Variants in ASAH2 observed in about 807,000 individuals in gnomAD.
ASAH2 encodes neutral ceramidase.
In ASAH2, 58 loss-of-function variants were observed where a neutral mutation model predicts 82.9. The ratio of observed to expected loss-of-function variants is 0.70; its 90% CI spans 0.57 to 0.87. ASAH2 has a LOEUF of 0.87. ASAH2 is among the 40% of genes least tolerant of loss of function. ASAH2 has a pLI of 0.00. For synonymous variants in ASAH2, 276 were observed against 289.7 expected, an observed-to-expected ratio of 0.95 and a Z score of 0.48; for missense variants, 779 against 834.0, an observed-to-expected ratio of 0.93 and a Z score of 0.81.
chr10:50,219,854 T>C (rs1258306864), intron 7 of ASAH2, among the ~76,000 whole-genome samples: 2 of 152,212 alleles, frequency 1.3e-5, no homozygotes. Context: ...GTGTGGACTG[T>C]AGAAAACTTG....
At chr10:50,209,412 C>T (rs1589329784) in intron 12 of ASAH2, among the ~76,000 whole-genome samples, 1 of 152,114 alleles carries the variant, frequency 6.6e-6, no homozygotes, top group African/African-American at 2.4e-5. Context: ...TGCAGTGGTG[C>T]AATCTTGTCT....
At chr10:50,229,564 A>G (rs374196480) in intron 7 of ASAH2, among the ~76,000 whole-genome samples, 81,933 of 151,942 alleles carry the variant, frequency 0.54, 22,377 homozygotes, top group East Asian at 0.67. Context: ...CCAAGTTTGA[A>G]ACACTTTAAT....
intron 14 of ASAH2, among the ~76,000 whole-genome samples, chr10:50,203,941 T>C (rs1259181208): frequency 2.0e-5 from 3 of 152,042 alleles, no homozygotes; most frequent in Non-Finnish European, 4.4e-5. Flanking sequence ...AAATCATCAT[T>C]ATTTTCCATT....
intron 1 of ASAH2, among the ~76,000 whole-genome samples, 167 bp downstream of exon 1, chr10:50,251,228 G>T (rs974054387): frequency 1.3e-5 from 2 of 152,106 alleles, no homozygotes; most frequent in South Asian, 2.1e-4. Context: ...CACATAACGG[G>T]GTCCCTGTTT....
chr10:50,197,560 T>G (rs1362336493), intron 17 of ASAH2, among the ~76,000 whole-genome samples: 17 of 152,000 alleles, frequency 1.1e-4, no homozygotes, highest in Non-Finnish European at 1.5e-5. Context: ...CAATGAATAT[T>G]TAACGCTCTT....
chr10:50,238,936 C>T (rs1846225690), intron 4 of ASAH2, among the ~76,000 whole-genome samples: 2 of 152,100 alleles, frequency 1.3e-5, no homozygotes, highest in Non-Finnish European at 2.9e-5. Context: ...ATACATAAAA[C>T]CTAGTCATAT....
chr10:50,217,441 C>T (rs1589336927), intron 8 of ASAH2, among the ~76,000 whole-genome samples: 1 of 152,062 alleles, frequency 6.6e-6, no homozygotes, highest in African/African-American at 2.4e-5. Context: ...GTTGGCCAGG[C>T]TGGTCTCGAA....
At chr10:50,198,578 T>C (rs1845053625) in intron 17 of ASAH2, among the ~76,000 whole-genome samples, 1 of 151,734 alleles carries the variant, frequency 6.6e-6, no homozygotes, top group African/African-American at 2.4e-5. Flanking sequence ...ATTTCCAAGA[T>C]ATTATAATGT....
At chr10:50,205,517 C>G (rs1392578724) in intron 13 of ASAH2, among the ~76,000 whole-genome samples, 2 of 151,878 alleles carry the variant, frequency 1.3e-5, no homozygotes, top group African/African-American at 4.8e-5. Context: ...ACTGAAATGA[C>G]CTTTTGACAT....
chr10:50,223,017 G>C (rs1589341919), intron 7 of ASAH2, among the ~76,000 whole-genome samples: 1 of 152,236 alleles, frequency 6.6e-6, no homozygotes, highest in East Asian at 1.9e-4. Flanking sequence ...AGGAAGCAAG[G>C]TGCTACGTGA....
chr10:50,220,185 G>A (rs1845704659), intron 7 of ASAH2, among the ~76,000 whole-genome samples: 1 of 152,202 alleles, frequency 6.6e-6, no homozygotes, highest in African/African-American at 2.4e-5. Context: ...CAGATTGGGT[G>A]TCAGATCATA....
intron 12 of ASAH2, 85 bp from the exon 13 acceptor site, chr10:50,206,182 C>A: frequency 3.1e-6 from 3 of 981,142 alleles, no homozygotes; most frequent in East Asian, 4.8e-5. Flanking sequence ...GTACAATAAT[C>A]TTTTAAGGAG....
chr10:50,239,050 A>T (rs1174889652), intron 4 of ASAH2, among the ~76,000 whole-genome samples: 1 of 152,190 alleles, frequency 6.6e-6, no homozygotes, highest in African/African-American at 2.4e-5. Context: ...TCTACCGCTC[A>T]CTTCTGTCTT....
chr10:50,214,275 C>T (rs1471502319), intron 9 of ASAH2, among the ~76,000 whole-genome samples: 2 of 152,132 alleles, frequency 1.3e-5, no homozygotes, highest in East Asian at 1.9e-4. Flanking sequence ...TCACTTTTTA[C>T]TATTCTCTGT....
chr10:50,243,355 A>C lies in ASAH2; in HGVS notation c.361-4T>G. On this transcript the variant is annotated splice_polypyrimidine_tract_variant and splice_region_variant and intron_variant, in intron 3 of 20. Coordinates refer to ENST00000682911, the MANE Select transcript of ASAH2 (RefSeq NM_019893.4). ...GGCCGGATTTGCCATAGCCCATCTA[A>C]AGAGGAAGAGACAATCAGAGCTGCT... 2 of 1,613,862 alleles carry C rather than the reference A, an allele frequency of 1.2e-6. No individual in the cohort carries two copies. Among genetic ancestry groups the C allele is most frequent in the Non-Finnish European group, 1.7e-6 (2 of 1,179,816 alleles).
intron 20 of ASAH2, among the ~76,000 whole-genome samples, chr10:50,189,244 G>C (rs1844833118): frequency 6.9e-6 from 1 of 144,148 alleles, no homozygotes; most frequent in Non-Finnish European, 1.5e-5. Flanking sequence ...AAAAAAAACA[G>C]AACAGATGTC....
intron 5 of ASAH2, 26 bp downstream of exon 5, chr10:50,235,862 A>G: frequency 6.2e-7 from 1 of 1,611,310 alleles, no homozygotes; most frequent in Non-Finnish European, 8.5e-7. Flanking sequence ...GGTAAAGAAC[A>G]GCTGCCTCTG....
At chr10:50,204,563 A>T (rs1845244059) in intron 14 of ASAH2, among the ~76,000 whole-genome samples, 1 of 152,030 alleles carries the variant, frequency 6.6e-6, no homozygotes, top group South Asian at 2.1e-4. Context: ...AAGTACCTGT[A>T]TTTTAATATG....
In ASAH2 at chr10:50,218,445, G is replaced by C. The variant is rs908878514; in HGVS notation, c.1014+65C>G. On this transcript the variant is annotated intron_variant, in intron 8 of 20. Transcript: ENST00000682911. ...TCTGGAGATTTGAATCACCTCTTCT[G>C]AATGCAGCATGAATGATGACACTCA... The C allele has an allele frequency of 3.7e-6, 6 of 1,607,880 alleles. No homozygotes were observed. In the Admixed American group the frequency reaches 6.7e-5, roughly 18 times the overall value.
Sources: allele counts gnomAD v4.1 joint callset (sites outside exome capture counted in the v4.1 genomes callset), GRCh38; gene constraint gnomAD v4.1.1; transcripts MANE v1.5; gene names NCBI Gene and HGNC (gene_info 2026-07-23, HGNC 2026-07-21).